Variants in STK32B observed in about 807,000 individuals in gnomAD.
STK32B encodes the protein serine/threonine kinase 32B.
STK32B carries 43 observed loss-of-function variants against 52.6 expected under a neutral mutation model. The observed-to-expected ratio is 0.82, with a 90% CI of 0.64 to 1.05. STK32B has a LOEUF of 1.05. STK32B is among the 50% of genes least tolerant of loss of function. The pLI is 0.00. For synonymous variants in STK32B, 238 were observed against 204.3 expected, an observed-to-expected ratio of 1.17 and a Z score of -1.41; for missense variants, 621 against 534.6, an observed-to-expected ratio of 1.16 and a Z score of -1.59.
At chr4:5,332,579 C>T (rs536125881) in intron 4 of STK32B, among the ~76,000 whole-genome samples, 5 of 152,162 alleles carry the variant, frequency 3.3e-5, no homozygotes, top group African/African-American at 4.8e-5. Context: ...ATGTGCCATG[C>T]TGGTGTGCTG....
At chr4:5,346,512 G>A (rs1733468344) in intron 4 of STK32B, among the ~76,000 whole-genome samples, 2 of 152,160 alleles carry the variant, frequency 1.3e-5, no homozygotes, top group Middle Eastern at 3.2e-3. Flanking sequence ...CTGTGAAGCC[G>A]ACAAAACCCA....
chr4:5,100,548 T>A (rs111161277), intron 1 of STK32B, among the ~76,000 whole-genome samples: 30,455 of 137,746 alleles, frequency 0.22, 4,082 homozygotes, highest in East Asian at 0.41. Context: ...CCTTTCCTCC[T>A]TTCCTCCTTC....
At chr4:5,442,528 A>T (rs1296716081) in intron 6 of STK32B, among the ~76,000 whole-genome samples, 4 of 150,680 alleles carry the variant, frequency 2.7e-5, no homozygotes, top group Non-Finnish European at 5.9e-5. Context: ...TCCTGAATAC[A>T]GCACACTGAT....
intron 3 of STK32B, among the ~76,000 whole-genome samples, chr4:5,211,132 G>A (rs944567012): frequency 3.9e-5 from 6 of 152,048 alleles, no homozygotes; most frequent in South Asian, 2.1e-4. Context: ...GAAGAGTCCC[G>A]TGAATAGTGG....
At chr4:5,124,351 C>G (rs1050900132) in intron 1 of STK32B, among the ~76,000 whole-genome samples, 1 of 152,198 alleles carries the variant, frequency 6.6e-6, no homozygotes, top group Admixed American at 6.5e-5. Context: ...TGCAGCCTCC[C>G]TGACTCTCTT....
In STK32B at chr4:5,197,807, A is replaced by G. The variant is rs574086450; in HGVS notation, c.260+29357A>G. Among the ~76,000 whole-genome samples, 3 of 152,336 alleles carry G rather than the reference A, an allele frequency of 2.0e-5. No individual in the cohort carries two copies. The South Asian group carries it at 6.2e-4, about 32-fold the overall frequency. On this transcript the variant is annotated intron_variant, in intron 3 of 11. Transcript: ENST00000282908. The stretch of plus-strand genomic sequence containing the variant: ...AATTTTATCAGAAGCTTTTTGAAAA[A>G]TTATAAAAATGCTCAGATGTTTAGG...
At chr4:5,436,405 G>T (rs1292543227) in intron 6 of STK32B, among the ~76,000 whole-genome samples, 1 of 152,194 alleles carries the variant, frequency 6.6e-6, no homozygotes, top group Non-Finnish European at 1.5e-5. Context: ...AGAGCTGAAA[G>T]GACATGGATC....
chr4:5,104,146 C>T (rs982096287), intron 1 of STK32B, among the ~76,000 whole-genome samples: 22 of 152,080 alleles, frequency 1.4e-4, no homozygotes, highest in African/African-American at 5.3e-4. Context: ...TCCCATAATC[C>T]CCACATGTCA....
chr4:5,327,257 C>T (rs1731940546), intron 3 of STK32B, among the ~76,000 whole-genome samples: 1 of 151,106 alleles, frequency 6.6e-6, no homozygotes, highest in African/African-American at 2.4e-5. Flanking sequence ...TTCCAAACTC[C>T]TGTTAATGTT....
chr4:5,306,328 T>C (rs2108904021), intron 3 of STK32B, among the ~76,000 whole-genome samples: 1 of 152,296 alleles, frequency 6.6e-6, no homozygotes, highest in South Asian at 2.1e-4. Flanking sequence ...TATTATTGCA[T>C]TGCTGTCTGT....
At chr4:5,192,698 A>G (rs1222191822) in intron 3 of STK32B, among the ~76,000 whole-genome samples, 1 of 151,588 alleles carries the variant, frequency 6.6e-6, no homozygotes, top group Non-Finnish European at 1.5e-5. Flanking sequence ...TAACCCATCC[A>G]CCACCTCACA....
chr4:5,204,577 C>T (rs868458943), intron 3 of STK32B, among the ~76,000 whole-genome samples: 2 of 152,040 alleles, frequency 1.3e-5, no homozygotes, highest in Admixed American at 1.3e-4. Context: ...TCAAGTGATT[C>T]TTCTGCCTTA....
chr4:5,494,044 A>T (rs1719981607), intron 11 of STK32B, among the ~76,000 whole-genome samples: 1 of 152,204 alleles, frequency 6.6e-6, no homozygotes, highest in South Asian at 2.1e-4. Flanking sequence ...GCTGAAAAAA[A>T]TGTATATTCT....
At chr4:5,272,568 T>A (rs1727517708) in intron 3 of STK32B, among the ~76,000 whole-genome samples, 1 of 152,026 alleles carries the variant, frequency 6.6e-6, no homozygotes, top group Non-Finnish European at 1.5e-5. Flanking sequence ...TGGAATAGTT[T>A]CAGAAGGAAT....
chr4:5,469,584 C>T lies in STK32B; in HGVS notation c.1106+1514C>T, dbSNP rs1717699777. Among the ~76,000 whole-genome samples, 1 of 152,300 alleles carries T rather than the reference C, an allele frequency of 6.6e-6. No individual in the cohort carries two copies. Among genetic ancestry groups the T allele is most frequent in the Admixed American group, 6.5e-5 (1 of 15,304 alleles). On this transcript the variant is annotated intron_variant, in intron 11 of 11. Transcript: ENST00000282908. The surrounding 1 kb of genome is among the most constrained non-coding windows in gnomAD (Gnocchi z 4.7). ...ATGGGCCAGTGGGCAGGACAGGGCC[C>T]CAGTCCCAGTCGATGCTGGGGAGGC...
chr4:5,145,289 G>A (rs1476584742), intron 2 of STK32B, among the ~76,000 whole-genome samples: 1 of 152,070 alleles, frequency 6.6e-6, no homozygotes, highest in East Asian at 1.9e-4. Flanking sequence ...GCATTTTATA[G>A]CAAATTGCAA....
At chr4:5,286,298 A>G (rs371839197) in intron 3 of STK32B, among the ~76,000 whole-genome samples, 1 of 152,328 alleles carries the variant, frequency 6.6e-6, no homozygotes, top group East Asian at 1.9e-4. Flanking sequence ...AGTCATCTAT[A>G]AGATGTGGAG....
chr4:5,256,621 G>A (rs1726319400), intron 3 of STK32B, among the ~76,000 whole-genome samples: 1 of 152,196 alleles, frequency 6.6e-6, no homozygotes, highest in Non-Finnish European at 1.5e-5. Flanking sequence ...CTCCTCCACT[G>A]CTTTTCTAGC....
intron 4 of STK32B, among the ~76,000 whole-genome samples, chr4:5,390,593 CCT>C (rs2109035453): frequency 6.6e-6 from 1 of 152,264 alleles, no homozygotes; most frequent in African/African-American, 2.4e-5. Context: ...GTGGCCTTCT[CCT>C]CTGTGTGTAC....
Sources: allele counts gnomAD v4.1 joint callset (sites outside exome capture counted in the v4.1 genomes callset), GRCh38; gene constraint gnomAD v4.1.1; non-coding constraint Gnocchi (gnomAD v3.1); transcripts MANE v1.5; gene names NCBI Gene and HGNC (gene_info 2026-07-23, HGNC 2026-07-21).